Variants in EIF2B3 observed in about 807,000 individuals in gnomAD.
The protein encoded by EIF2B3 is translation initiation factor eIF2B subunit gamma.
A neutral mutation model predicts 54.1 loss-of-function variants in EIF2B3; 20 were observed. That is an observed-to-expected ratio of 0.37 (90% confidence interval 0.26 to 0.54). The LOEUF is 0.54. Ranked by LOEUF, EIF2B3 falls within the 20% of genes least tolerant of loss-of-function variation. EIF2B3 has a pLI of 0.86. For synonymous variants in EIF2B3, 153 were observed against 188.1 expected (o/e 0.81, Z 1.52); for missense variants, 448 against 547.8 (o/e 0.82, Z 1.82).
At position 44,881,723 on chromosome 1, in the gene EIF2B3, G is replaced by T; in HGVS notation, c.673C>A (p.Arg225=). The T allele has an allele frequency of 6.2e-7, 1 of 1,614,066 alleles. No individual in the cohort carries two copies. Among genetic ancestry groups the T allele is most frequent in the Non-Finnish European group, 8.5e-7 (1 of 1,179,960 alleles). ...LMENGSITSI[R]SELIPYLVRK... is the part of the protein sequence containing the mutation. ...ACTAAATATGGAATCAGTTCACTCC[G>T]GATAGAAGTTATTGACCTAGAAAGA... is the stretch of plus-strand genomic sequence containing the variant. Residue 225 remains arginine (R), a synonymous_variant, in exon 7 of 12, where the codon CGG becomes AGG. Transcript: ENST00000360403. The surrounding 1 kb of genome is among the most constrained non-coding windows in gnomAD (Gnocchi z 4.0).
At chr1:44,865,624 C>A (rs1654748026) in intron 10 of EIF2B3, among the ~76,000 whole-genome samples, 1 of 151,268 alleles carries the variant, frequency 6.6e-6, no homozygotes, top group Non-Finnish European at 1.5e-5. Flanking sequence ...TCTTGTTGCT[C>A]AGGCTGGAGT....
chr1:44,955,496 A>G (rs966541344), intron 3 of EIF2B3, among the ~76,000 whole-genome samples: 6 of 152,248 alleles, frequency 3.9e-5, no homozygotes, highest in African/African-American at 7.2e-5. Flanking sequence ...AATGGCAACA[A>G]AAGCCAAAAT....
At chr1:44,938,038 G>A (rs1207432273) in intron 4 of EIF2B3, among the ~76,000 whole-genome samples, 1 of 151,726 alleles carries the variant, frequency 6.6e-6, no homozygotes, top group Non-Finnish European at 1.5e-5. Context: ...GAAGAAAGGT[G>A]GCTCCAGAAA....
chr1:44,901,880 T>A (rs1004084468), intron 5 of EIF2B3, among the ~76,000 whole-genome samples: 3 of 152,120 alleles, frequency 2.0e-5, no homozygotes, highest in African/African-American at 7.2e-5. Flanking sequence ...TAATAGTGTC[T>A]TTGGGGTTCA....
chr1:44,986,265 G>C (rs562875137), intron 1 of EIF2B3, among the ~76,000 whole-genome samples: 1 of 151,410 alleles, frequency 6.6e-6, no homozygotes, highest in African/African-American at 2.4e-5. Flanking sequence ...TCAGACTCTC[G>C]AGTAGCTGAG....
chr1:44,986,021 G>A (rs1455476628), intron 1 of EIF2B3, among the ~76,000 whole-genome samples: 2 of 151,982 alleles, frequency 1.3e-5, no homozygotes, highest in Non-Finnish European at 2.9e-5. Context: ...ATGAAGGGCT[G>A]AGGCTGAAAG....
chr1:44,874,584 G>T (rs1655059033), intron 10 of EIF2B3, 94 bp downstream of exon 10: 2 of 1,399,624 alleles, frequency 1.4e-6, no homozygotes, highest in Non-Finnish European at 2.0e-6. Context: ...CTTTGCCTGG[G>T]TATACAATTT....
At chr1:44,852,568 T>C (rs532977934) in intron 11 of EIF2B3, among the ~76,000 whole-genome samples, 1 of 151,886 alleles carries the variant, frequency 6.6e-6, no homozygotes, top group Admixed American at 6.6e-5. Context: ...TCACCTGAGG[T>C]CGGGAGTTCA....
chr1:44,860,009 T>G (rs12095987), intron 10 of EIF2B3, among the ~76,000 whole-genome samples: 11,226 of 147,992 alleles, frequency 0.076, 1,416 homozygotes, highest in African/African-American at 0.26. Flanking sequence ...CCAGCCTTCT[T>G]TTTTTTTTTT....
At chr1:44,930,750 C>T (rs1643890164) in intron 4 of EIF2B3, among the ~76,000 whole-genome samples, 1 of 152,322 alleles carries the variant, frequency 6.6e-6, no homozygotes, top group South Asian at 2.1e-4. Flanking sequence ...AAGCAATTCT[C>T]CTGCCTCAAC....
At chr1:44,888,463 T>G (rs181172322) in intron 6 of EIF2B3, among the ~76,000 whole-genome samples, 2 of 144,436 alleles carry the variant, frequency 1.4e-5, no homozygotes, top group Admixed American at 7.0e-5. Flanking sequence ...GTCAGACTTA[T>G]GGCTTCTCAA....
chr1:44,914,690 CCCTT>C (rs1407714825), intron 5 of EIF2B3, among the ~76,000 whole-genome samples: 2 of 151,988 alleles, frequency 1.3e-5, no homozygotes, highest in Non-Finnish European at 2.9e-5. Flanking sequence ...TTCCCTCCCT[CCCTT>C]CCTTCCTTTT....
intron 5 of EIF2B3, among the ~76,000 whole-genome samples, chr1:44,901,547 G>A (rs1260216168): frequency 6.8e-6 from 1 of 146,320 alleles, no homozygotes; most frequent in East Asian, 2.0e-4. Flanking sequence ...CACTGGGCCT[G>A]GCCTTTTTTT....
intron 11 of EIF2B3, among the ~76,000 whole-genome samples, chr1:44,852,034 C>T (rs149791081): frequency 0.011 from 1,626 of 151,978 alleles, 30 homozygotes; most frequent in African/African-American, 0.037. Flanking sequence ...CTGCAACCTC[C>T]GCCTCCTGGG....
At chr1:44,969,237 A>G (rs1386347799) in intron 3 of EIF2B3, among the ~76,000 whole-genome samples, 1 of 152,224 alleles carries the variant, frequency 6.6e-6, no homozygotes, top group African/African-American at 2.4e-5. Context: ...TAATTTACAG[A>G]CTATACATAC....
chr1:44,904,001 C>T (rs1376807558), intron 5 of EIF2B3, among the ~76,000 whole-genome samples: 3 of 152,094 alleles, frequency 2.0e-5, no homozygotes, highest in Non-Finnish European at 4.4e-5. Context: ...CGCTTGAACC[C>T]GGGAGGTGGA....
At chr1:44,873,088 G>A (rs780362385) in intron 10 of EIF2B3, among the ~76,000 whole-genome samples, 1 of 152,122 alleles carries the variant, frequency 6.6e-6, no homozygotes, top group South Asian at 2.1e-4. Context: ...CAAATGTTTC[G>A]AATTATGTCG....
chr1:44,901,637 C>A (rs377396332), intron 5 of EIF2B3, among the ~76,000 whole-genome samples: 2 of 150,914 alleles, frequency 1.3e-5, no homozygotes, highest in Admixed American at 1.3e-4. Context: ...CAGCTCACTG[C>A]CCCCTCAACC....
At chr1:44,964,683 GTAT>G (rs1644318947) in intron 3 of EIF2B3, among the ~76,000 whole-genome samples, 1 of 152,110 alleles carries the variant, frequency 6.6e-6, no homozygotes, top group Non-Finnish European at 1.5e-5. Context: ...TAGTGTGTTG[GTAT>G]TATTATCCCT....
Sources: gnomAD v4.1 joint callset for allele counts (sites outside exome capture counted in the v4.1 genomes callset) on GRCh38, gnomAD v4.1.1 for gene constraint, Gnocchi (gnomAD v3.1) non-coding constraint, MANE v1.5 for transcripts, NCBI Gene and HGNC (gene_info 2026-07-23, HGNC 2026-07-21) for gene names.